The following VPS26B variants were observed in gnomAD, a reference collection of about 807,000 sequenced individuals.
VPS26B encodes VPS26 retromer complex component B.
In VPS26B, 10 loss-of-function variants were observed where a neutral mutation model predicts 33.3. The ratio of observed to expected loss-of-function variants is 0.30; its 90% CI spans 0.19 to 0.51. VPS26B has a LOEUF of 0.51. Among genes scored for constraint, VPS26B ranks in the 20% least tolerant of loss-of-function variants. The probability of loss-of-function intolerance (pLI) is 0.98; values close to 1 mark genes in which losing one functional copy is unlikely to be tolerated. For missense variants in VPS26B, 317 were observed against 452.7 expected, an observed-to-expected ratio of 0.70 and a Z score of 2.72; for synonymous variants, 190 against 176.9, an observed-to-expected ratio of 1.07 and a Z score of -0.59.
At chr11:134,230,865 G>A (rs1197244177) in intron 1 of VPS26B, among the ~76,000 whole-genome samples, 3 of 152,174 alleles carry the variant, frequency 2.0e-5, no homozygotes, top group Admixed American at 6.5e-5. Flanking sequence ...CCTGTACCTA[G>A]GATACTTTTC....
chr11:134,238,745 G>A (rs924563300), intron 2 of VPS26B, among the ~76,000 whole-genome samples: 2 of 152,022 alleles, frequency 1.3e-5, no homozygotes, highest in East Asian at 1.9e-4. Context: ...ACAGGCGCCC[G>A]CCACCACGCC....
intron 1 of VPS26B, among the ~76,000 whole-genome samples, chr11:134,234,633 G>A (rs1201358067): frequency 6.6e-6 from 1 of 152,216 alleles, no homozygotes; most frequent in African/African-American, 2.4e-5. Flanking sequence ...CTTATTAAAA[G>A]ATGGTGTCCG....
At chr11:134,242,768 G>A (rs2282562) in intron 3 of VPS26B, among the ~76,000 whole-genome samples, 36,370 of 152,236 alleles carry the variant, frequency 0.24, 5,123 homozygotes, top group South Asian at 0.37. Flanking sequence ...TGGTCCCTGC[G>A]CTTGTGGGAC....
rs1409066706 is a variant in VPS26B at position 134,240,924 on chromosome 11, G to T, written c.545+769G>T. Among the ~76,000 whole-genome samples the T allele has an allele frequency of 1.3e-5, 2 of 152,084 alleles. No individual in the cohort carries two copies. Among genetic ancestry groups the T allele is most frequent in the African/African-American group, 4.8e-5 (2 of 41,404 alleles). ...CCCACAGCGCTGGGACTACAGGCAT[G>T]AGCCACCATGCCCAGCCCTGATGTA... On this transcript the variant is annotated intron_variant, in intron 3 of 5. Transcript: ENST00000281187. This position sits in a 1 kb window ranked among gnomAD's most constrained non-coding sequence, Gnocchi z 4.4.
Position 134,225,042 on chromosome 11 carries a change from C to CT in VPS26B, c.-80dup. 1 of 1,401,264 alleles carries CT rather than the reference C, an allele frequency of 7.1e-7. No homozygotes were observed. Among genetic ancestry groups the CT allele is most frequent in the Non-Finnish European group, 9.5e-7 (1 of 1,050,906 alleles). The allele number at this position is 1,401,264 out of a possible 1,614,324, so 86.8% of individuals were successfully genotyped here. A position where few individuals can be genotyped will look rare whatever the true frequency, so the allele number is the denominator to read the frequency against. On this transcript the variant is annotated 5_prime_UTR_variant, in exon 1 of 6. Coordinates refer to ENST00000281187, the MANE Select transcript of VPS26B (RefSeq NM_052875.5). ...CGAGCGCGCTCGCGCATCGGGCCCT[C>CT]TGGCCTTCTTTACCTAGGGCAGCCC...
At chr11:134,225,609 C>T (rs945874045) in intron 1 of VPS26B, among the ~76,000 whole-genome samples, 5 of 152,262 alleles carry the variant, frequency 3.3e-5, no homozygotes, top group Non-Finnish European at 2.9e-5. Context: ...GGGATGGGCA[C>T]CTTGCCTATG....
rs1409331462 is a variant in VPS26B at position 134,246,515 on chromosome 11, C to T, written c.*925C>T. The stretch of plus-strand genomic sequence containing the variant: ...CTGAGAGTGAACCCTCGTCTCTCCT[C>T]ACCCTCCATTTCATTTCTGGGAATT... On this transcript the variant is annotated 3_prime_UTR_variant, in exon 6 of 6. Transcript: ENST00000281187. 2 of 152,356 alleles carry T rather than the reference C, an allele frequency of 1.3e-5. No individual in the cohort carries two copies. The highest frequency in any genetic ancestry group is 4.8e-5 in the African/African-American group (2 of 41,432). 9.4% of individuals were successfully genotyped at this position (152,356 alleles called of 1,614,324 possible).
intron 2 of VPS26B, 186 bp downstream of exon 2, chr11:134,235,239 C>G: frequency 1.5e-6 from 1 of 664,666 alleles, no homozygotes; most frequent in Non-Finnish European, 2.4e-6. Context: ...TAGGTTGTAG[C>G]ATGTGTCAAT....
At chr11:134,231,412 C>T (rs150361795) in intron 1 of VPS26B, among the ~76,000 whole-genome samples, 16 of 152,270 alleles carry the variant, frequency 1.1e-4, no homozygotes, top group Admixed American at 2.6e-4. Context: ...AGCAGAGCTG[C>T]GCCTGGTGAG....
chr11:134,233,735 C>CAA (rs11428242), intron 1 of VPS26B, among the ~76,000 whole-genome samples: 121 of 151,768 alleles, frequency 8.0e-4, no homozygotes, highest in African/African-American at 2.9e-3. Context: ...AAAAAACAAA[C>CAA]AAAAAAAGCT....
Position 134,225,065 on chromosome 11 carries a change from C to T in VPS26B, c.-58C>T, listed in dbSNP as rs1035524461. ...CTCTGGCCTTCTTTACCTAGGGCAG[C>T]CCGCGCCCCGGTGCGAGGGAGCGGT... On this transcript the variant is annotated 5_prime_UTR_variant, in exon 1 of 6. Transcript: ENST00000281187. 263 of 1,507,984 alleles carry T rather than the reference C, an allele frequency of 1.7e-4. No homozygotes were observed. The highest frequency in any genetic ancestry group is 1.1e-3 in the Admixed American group (55 of 48,686). 93.4% of individuals were successfully genotyped at this position (1,507,984 alleles called of 1,614,324 possible).
At chr11:134,226,252 T>C (rs932697042) in intron 1 of VPS26B, among the ~76,000 whole-genome samples, 3 of 152,032 alleles carry the variant, frequency 2.0e-5, no homozygotes, top group Non-Finnish European at 4.4e-5. Flanking sequence ...AAAATTTTTT[T>C]GTAATTAGCT....
intron 1 of VPS26B, among the ~76,000 whole-genome samples, chr11:134,228,442 T>C (rs1014717591): frequency 1.3e-5 from 2 of 151,810 alleles, no homozygotes; most frequent in African/African-American, 2.4e-5. Context: ...GAAGTCTATT[T>C]GGAGGCACAG....
chr11:134,246,679 C>T lies in VPS26B; in HGVS notation c.*1089C>T, dbSNP rs1938831861. On this transcript the variant is annotated 3_prime_UTR_variant, in exon 6 of 6. Transcript: ENST00000281187. The stretch of plus-strand genomic sequence containing the variant: ...CACACTTCCGAATCATTCTGCTTGC[C>T]AAATAGGTCATCTTCACCAGTTGAC... 1 of 152,302 alleles carries T rather than the reference C, an allele frequency of 6.6e-6. No homozygotes were observed. Among genetic ancestry groups the T allele is most frequent in the Non-Finnish European group, 1.5e-5 (1 of 68,040 alleles). 9.4% of individuals were successfully genotyped at this position (152,302 alleles called of 1,614,324 possible).
chr11:134,226,820 T>C (rs1938483887), intron 1 of VPS26B, among the ~76,000 whole-genome samples: 2 of 152,192 alleles, frequency 1.3e-5, no homozygotes, highest in African/African-American at 4.8e-5. Flanking sequence ...GTGGCCTGGC[T>C]CTTGGGTTCA....
chr11:134,225,460 C>T, intron 1 of VPS26B, 115 bp downstream of exon 1: 2 of 1,052,530 alleles, frequency 1.9e-6, no homozygotes, highest in Non-Finnish European at 2.8e-6. Flanking sequence ...CAACTGCAGT[C>T]TGAGGCCTGG....
chr11:134,235,261 A>T (rs1476072952), intron 2 of VPS26B: 2 of 526,272 alleles, frequency 3.8e-6, no homozygotes, highest in African/African-American at 3.9e-5. Flanking sequence ...TCTGTAGTGT[A>T]CATAGCCCCG....
intron 2 of VPS26B, among the ~76,000 whole-genome samples, chr11:134,237,024 G>C (rs191476967): frequency 6.6e-6 from 1 of 152,208 alleles, no homozygotes; most frequent in East Asian, 1.9e-4. Context: ...GAAGACTTTA[G>C]GATTCATGTT....
rs1192565315 is a variant in VPS26B, at chr11:134,224,811, C to T, written c.-312C>T. On this transcript the variant is annotated 5_prime_UTR_variant, in exon 1 of 6. Coordinates refer to ENST00000281187, the MANE Select transcript of VPS26B (RefSeq NM_052875.5). Reference sequence around the variant, plus strand: ...GCTGCCCCCCGCAGCATTGCACGGCCGACCCTCGCCCGCCCACTGCCACCG... The same window carrying T: ...GCTGCCCCCCGCAGCATTGCACGGCTGACCCTCGCCCGCCCACTGCCACCG... The T allele has an allele frequency of 2.6e-5, 4 of 154,814 alleles. No individual in the cohort carries two copies. The East Asian group carries it at 7.5e-4, about 29-fold the overall frequency. The allele number at this position is 154,814 out of a possible 1,614,324, so 9.6% of individuals were successfully genotyped here.
Sources: gnomAD v4.1 joint callset for allele counts (sites outside exome capture counted in the v4.1 genomes callset) on GRCh38, gnomAD v4.1.1 for gene constraint, Gnocchi (gnomAD v3.1) non-coding constraint, MANE v1.5 for transcripts, NCBI Gene and HGNC (gene_info 2026-07-23, HGNC 2026-07-21) for gene names.